ARHGEF18: variants seen among roughly 807,000 people sequenced by gnomAD.
ARHGEF18 encodes the protein rho guanine nucleotide exchange factor 18.
Under a neutral mutation model 155.7 loss-of-function variants are expected in ARHGEF18, and 93 were observed. The observed-to-expected ratio is 0.60, with a 90% CI of 0.50 to 0.71. The LOEUF (loss-of-function observed/expected upper bound fraction) is 0.71, where lower values mean the gene tolerates loss of function less well. Ranked by LOEUF, ARHGEF18 falls within the 30% of genes least tolerant of loss-of-function variation. ARHGEF18 has a pLI of 0.00. For synonymous variants in ARHGEF18, 742 were observed against 753.1 expected, an observed-to-expected ratio of 0.99 and a Z score of 0.24; for missense variants, 1,593 against 1,816.1, an observed-to-expected ratio of 0.88 and a Z score of 2.23.
chr19:7,408,761 G>A lies in ARHGEF18; in HGVS notation c.967+25558G>A, dbSNP rs1344797329. 2.6e-5 allele frequency among the ~76,000 whole-genome samples: 4 copies of A among 152,330 alleles called. No individual in the cohort carries two copies. In the South Asian group the frequency reaches 8.3e-4, roughly 32 times the overall value. ...CCCCCCAGATGAAAACAACAAGACC[G>A]GCTGAGTGCAGTGGCTCACGCCTGT... On this transcript the variant is annotated intron_variant, in intron 10 of 28. Transcript: ENST00000668164.
Position 7,439,865 on chromosome 19 carries a change from G to A in ARHGEF18, c.968-479G>A, listed in dbSNP as rs77458110. On this transcript the variant is annotated intron_variant, in intron 10 of 28. Coordinates refer to ENST00000668164, the MANE Select transcript of ARHGEF18 (RefSeq NM_001367823.1). ...GCTTTTTACACCCTGCAAAGACCAA[G>A]GGAGAGCCTGGAGGGGTTGTTTTTT... 3.8e-3 allele frequency: 5,534 copies of A among 1,447,976 alleles called. 57 individuals carry two copies. Among genetic ancestry groups the A allele is most frequent in the African/African-American group, 0.029 (2,044 of 69,706 alleles). 89.7% of individuals were successfully genotyped at this position (1,447,976 alleles called of 1,614,324 possible).
intron 2 of ARHGEF18, among the ~76,000 whole-genome samples, chr19:7,368,825 C>G (rs1190797624): frequency 6.6e-6 from 1 of 152,072 alleles, no homozygotes; most frequent in East Asian, 1.9e-4. Context: ...AGGCTGCCGC[C>G]CAAGTCACAT....
rs1252967510 is a variant in ARHGEF18, at chr19:7,385,819, ATC to A, written c.967+2618_967+2619del. Among the ~76,000 whole-genome samples, 4 of 89,328 alleles carry A rather than the reference ATC, an allele frequency of 4.5e-5. No homozygotes were observed. The South Asian group carries it at 1.4e-3, about 32-fold the overall frequency. The allele number at this position is 89,328 out of a possible 152,430, so 58.6% of individuals were successfully genotyped here. On this transcript the variant is annotated intron_variant, in intron 10 of 28. Transcript: ENST00000668164. ...TCAAAATTTCTATTTTAGAGATAGG[ATC>A]TATCTCTCTCTATCTCTCTCTCTCT...
chr19:7,391,014 C>T (rs368873676), intron 10 of ARHGEF18, among the ~76,000 whole-genome samples: 17 of 151,690 alleles, frequency 1.1e-4, no homozygotes, highest in African/African-American at 4.1e-4. Flanking sequence ...CACTCCAGCC[C>T]GTTGACAGAG....
At chr19:7,430,785 A>T (rs1313428587) in intron 10 of ARHGEF18, among the ~76,000 whole-genome samples, 1 of 152,176 alleles carries the variant, frequency 6.6e-6, no homozygotes, top group Non-Finnish European at 1.5e-5. Context: ...AGCCTGGGTG[A>T]CAGAGCGAGA....
intron 2 of ARHGEF18, among the ~76,000 whole-genome samples, chr19:7,370,138 A>C (rs1349627213): frequency 6.6e-6 from 1 of 152,100 alleles, no homozygotes; most frequent in Non-Finnish European, 1.5e-5. Context: ...CAGAGGTTGC[A>C]GTGAGCCGAG....
At chr19:7,424,785 G>A (rs890185518) in intron 10 of ARHGEF18, among the ~76,000 whole-genome samples, 7 of 152,096 alleles carry the variant, frequency 4.6e-5, no homozygotes, top group Non-Finnish European at 8.8e-5. Flanking sequence ...CACGAGTTCA[G>A]GAGATCGGGA....
intron 10 of ARHGEF18, among the ~76,000 whole-genome samples, chr19:7,416,732 A>G (rs919507411): frequency 6.6e-6 from 1 of 150,632 alleles, no homozygotes; most frequent in African/African-American, 2.5e-5. Flanking sequence ...CCTCCCGAGT[A>G]GCTGGGACTA....
intron 15 of ARHGEF18, among the ~76,000 whole-genome samples, chr19:7,449,079 A>AG (rs1446660080): frequency 2.6e-5 from 4 of 152,084 alleles, no homozygotes; most frequent in African/African-American, 9.7e-5. Flanking sequence ...CAAAGCCAGG[A>AG]GGGGGATTCC....
At chr19:7,392,861 C>T (rs12984446) in intron 10 of ARHGEF18, among the ~76,000 whole-genome samples, 1 of 151,690 alleles carries the variant, frequency 6.6e-6, no homozygotes, top group Non-Finnish European at 1.5e-5. Flanking sequence ...CGAGACCAAT[C>T]TAGGCAACAT....
At chr19:7,377,205 G>A (rs1204129523) in intron 5 of ARHGEF18, among the ~76,000 whole-genome samples, 1 of 151,996 alleles carries the variant, frequency 6.6e-6, no homozygotes, top group African/African-American at 2.4e-5. Flanking sequence ...CAAGTAGCTG[G>A]GACTACAAGC....
chr19:7,470,410 A>G lies in ARHGEF18; in HGVS notation c.*112A>G, dbSNP rs2145925874. ...ACCCAGCTGTCCCCTCCTCTTCCCT[A>G]GCAAACCACTGATGACCGCCTGGCA... On this transcript the variant is annotated 3_prime_UTR_variant, in exon 29 of 29. Transcript: ENST00000668164. This position sits in a 1 kb window ranked among gnomAD's most constrained non-coding sequence, Gnocchi z 5.9. 9.2e-7 allele frequency: 1 copy of G among 1,086,966 alleles called. No individual in the cohort carries two copies. The highest frequency in any genetic ancestry group is 3.2e-5 in the East Asian group (1 of 31,082). 67.3% of individuals were successfully genotyped at this position (1,086,966 alleles called of 1,614,324 possible). A position where few individuals can be genotyped will look rare whatever the true frequency, so the allele number is the denominator to read the frequency against.
chr19:7,388,405 T>G (rs1971201787), intron 10 of ARHGEF18, among the ~76,000 whole-genome samples: 1 of 151,820 alleles, frequency 6.6e-6, no homozygotes, highest in Non-Finnish European at 1.5e-5. Flanking sequence ...GTAAGTGCTC[T>G]AAACCGATTT....
At position 7,459,921 on chromosome 19, in the gene ARHGEF18, G is replaced by A; in HGVS notation, c.2379G>A (p.Glu793=). 2 of 1,582,834 alleles carry A rather than the reference G, an allele frequency of 1.3e-6. No homozygotes were observed. The highest frequency in any genetic ancestry group is 1.7e-6 in the Non-Finnish European group (2 of 1,164,506). Residue 793 remains glutamate (E), a synonymous_variant, in exon 20 of 29, where the codon GAG becomes GAA. Coordinates refer to ENST00000668164, the MANE Select transcript of ARHGEF18 (RefSeq NM_001367823.1). ...CCTGCAGCTGCCCTGACGAGGAGGAGGGGCCCTTCAGCCTGCCCGAAGAGG... is the reference window on the plus strand; with the variant it reads ...CCTGCAGCTGCCCTGACGAGGAGGAAGGGCCCTTCAGCCTGCCCGAAGAGG... ...RAVESCPDEE[E]GPFSLPEEER... is the part of the protein sequence containing the mutation.
chr19:7,381,377 T>A (rs987931023), intron 8 of ARHGEF18, among the ~76,000 whole-genome samples: 3 of 152,108 alleles, frequency 2.0e-5, no homozygotes, highest in Non-Finnish European at 2.9e-5. Context: ...GCTCACACTT[T>A]ATCCGAAACA....
At chr19:7,405,511 A>AT (rs1159948465) in intron 10 of ARHGEF18, among the ~76,000 whole-genome samples, 2 of 152,210 alleles carry the variant, frequency 1.3e-5, no homozygotes, top group Non-Finnish European at 2.9e-5. Flanking sequence ...AGAAGTCCAT[A>AT]TTCCAGGGTT....
chr19:7,462,465 GGC>G lies in ARHGEF18; in HGVS notation c.2635+132_2635+133del. The G allele has an allele frequency of 1.7e-6, 2 of 1,146,344 alleles. No individual in the cohort carries two copies. Among genetic ancestry groups the G allele is most frequent in the Non-Finnish European group, 2.4e-6 (2 of 838,310 alleles). 71.0% of individuals were successfully genotyped at this position (1,146,344 alleles called of 1,614,324 possible). A position where few individuals can be genotyped will look rare whatever the true frequency, so the allele number is the denominator to read the frequency against. Reference sequence around the variant, plus strand: ...CCAGGACAGGCTTCTATGTGGGGGGGGCCCAGGAGCAGCACTGACCGCCCCCC... The same window carrying G: ...CCAGGACAGGCTTCTATGTGGGGGGGCCAGGAGCAGCACTGACCGCCCCCC... On this transcript the variant is annotated intron_variant, in intron 21 of 28. Transcript: ENST00000668164. The surrounding 1 kb of genome is among the most constrained non-coding windows in gnomAD (Gnocchi z 4.4).
intron 2 of ARHGEF18, among the ~76,000 whole-genome samples, chr19:7,365,417 G>GA (rs1969842736): frequency 6.6e-6 from 1 of 152,012 alleles, no homozygotes; most frequent in Non-Finnish European, 1.5e-5. Context: ...ACAGAATGAG[G>GA]AAAAAAGACA....
the ARHGEF18 span, among the ~76,000 whole-genome samples, chr19:7,477,712 A>T: frequency 3.3e-5 from 5 of 152,178 alleles, no homozygotes; most frequent in Non-Finnish European, 7.3e-5. Context: ...CCTTGTGAAA[A>T]ACAGAAAGCA....
Sources: allele counts gnomAD v4.1 joint callset (sites outside exome capture counted in the v4.1 genomes callset), GRCh38; gene constraint gnomAD v4.1.1; non-coding constraint Gnocchi (gnomAD v3.1); transcripts MANE v1.5; gene names NCBI Gene and HGNC (gene_info 2026-07-23, HGNC 2026-07-21).